CDC14B: variants seen among roughly 807,000 people sequenced by gnomAD.
CDC14B encodes the protein dual specificity protein phosphatase CDC14B.
Under a neutral mutation model 64.2 loss-of-function variants are expected in CDC14B, and 22 were observed. The observed-to-expected ratio is 0.34, with a 90% CI of 0.24 to 0.49. The LOEUF (loss-of-function observed/expected upper bound fraction) is 0.49, where lower values mean the gene tolerates loss of function less well. Ranked by LOEUF, CDC14B falls within the 20% of genes least tolerant of loss-of-function variation. The pLI is 0.99. For missense variants in CDC14B, 498 were observed against 629.9 expected, an observed-to-expected ratio of 0.79 and a Z score of 2.24; for synonymous variants, 191 against 215.8, an observed-to-expected ratio of 0.89 and a Z score of 1.01.
chr9:96,591,784 G>C (rs1845807213), intron 1 of CDC14B, among the ~76,000 whole-genome samples: 1 of 150,836 alleles, frequency 6.6e-6, no homozygotes, highest in African/African-American at 2.4e-5. Flanking sequence ...CTTGCTCTGT[G>C]GCCCAGGCTG....
At position 96,529,967 on chromosome 9, in the gene CDC14B, G is replaced by A. The variant is rs530071449; in HGVS notation, c.946+3960C>T. Among the ~76,000 whole-genome samples the A allele has an allele frequency of 7.2e-5, 11 of 151,954 alleles. No individual in the cohort carries two copies. In the South Asian group the frequency reaches 1.3e-3, roughly 17 times the overall value. ...TTGCATTGAATCTGTATATCCCTTC[G>A]GGCAATACTGACATGTTAACAATAT... On this transcript the variant is annotated intron_variant, in intron 9 of 13. Transcript: ENST00000375241.
intron 13 of CDC14B, 90 bp from the exon 14 acceptor site, chr9:96,503,879 A>T: frequency 1.0e-6 from 1 of 976,326 alleles, no homozygotes; most frequent in Admixed American, 2.0e-5. Context: ...CATAATAAAA[A>T]TACTGACATG....
At chr9:96,525,579 G>A (rs1278778055) in intron 9 of CDC14B, among the ~76,000 whole-genome samples, 5 of 152,222 alleles carry the variant, frequency 3.3e-5, no homozygotes, top group Non-Finnish European at 5.9e-5. Context: ...GGGCCTGGAG[G>A]GCAGAGCGTG....
At chr9:96,520,174 G>C (rs903854332) in intron 12 of CDC14B, among the ~76,000 whole-genome samples, 1 of 152,084 alleles carries the variant, frequency 6.6e-6, no homozygotes, top group African/African-American at 2.4e-5. Flanking sequence ...AAATCCCCTC[G>C]GGTCTATACA....
chr9:96,558,535 T>G (rs1028490316), intron 4 of CDC14B, among the ~76,000 whole-genome samples: 38 of 152,228 alleles, frequency 2.5e-4, no homozygotes, highest in African/African-American at 9.2e-4. Context: ...TCTAGAAATA[T>G]AAAAACTTCT....
chr9:96,563,837 A>G (rs1465678533), intron 3 of CDC14B, among the ~76,000 whole-genome samples: 1 of 152,254 alleles, frequency 6.6e-6, no homozygotes, highest in East Asian at 1.9e-4. Context: ...TGCATGAAAC[A>G]AAAGATCTGC....
chr9:96,494,133 T>G (rs1393434487), intron 13 of CDC14B, among the ~76,000 whole-genome samples: 2 of 152,246 alleles, frequency 1.3e-5, no homozygotes, highest in East Asian at 1.9e-4. Context: ...GCAAGGACGC[T>G]GTCTTTCTTG....
chr9:96,498,607 G>C (rs868526282), downstream of CDC14B, among the ~76,000 whole-genome samples: 3 of 152,192 alleles, frequency 2.0e-5, no homozygotes, highest in South Asian at 2.1e-4. Context: ...TATGCTGCAG[G>C]TACCAAAAAT....
chr9:96,605,633 G>T (rs1846849239), intron 1 of CDC14B, among the ~76,000 whole-genome samples: 1 of 152,160 alleles, frequency 6.6e-6, no homozygotes, highest in Non-Finnish European at 1.5e-5. Flanking sequence ...CCTTGACTCA[G>T]CATCTGTTCT....
downstream of CDC14B, among the ~76,000 whole-genome samples, chr9:96,496,970 G>A (rs1319770971): frequency 6.6e-6 from 1 of 152,218 alleles, no homozygotes; most frequent in Non-Finnish European, 1.5e-5. Context: ...GTGCCAGGAC[G>A]CCAGACACGC....
chr9:96,572,409 T>C (rs556205628), intron 1 of CDC14B, among the ~76,000 whole-genome samples: 24 of 152,198 alleles, frequency 1.6e-4, no homozygotes, highest in African/African-American at 5.3e-4. Flanking sequence ...AGGTAGATGG[T>C]GTCAGAATTG....
intron 3 of CDC14B, among the ~76,000 whole-genome samples, chr9:96,563,339 A>C (rs148916296): frequency 2.2e-4 from 34 of 152,318 alleles, no homozygotes; most frequent in African/African-American, 7.2e-4. Flanking sequence ...CATGATGTGT[A>C]CATATTTCTA....
At chr9:96,554,190 A>G (rs1370863109) in intron 4 of CDC14B, among the ~76,000 whole-genome samples, 2 of 152,122 alleles carry the variant, frequency 1.3e-5, no homozygotes, top group African/African-American at 4.8e-5. Flanking sequence ...AAAACAAAAC[A>G]AAACCCTAAA....
At chr9:96,511,730 A>T (rs1418572911) in intron 12 of CDC14B, among the ~76,000 whole-genome samples, 1 of 152,222 alleles carries the variant, frequency 6.6e-6, no homozygotes. Flanking sequence ...ATCCTGGATA[A>T]ATCAGCCAAT....
chr9:96,504,542 A>T (rs1833873527), intron 13 of CDC14B, among the ~76,000 whole-genome samples: 3 of 152,260 alleles, frequency 2.0e-5, no homozygotes, highest in Admixed American at 2.0e-4. Flanking sequence ...CACTGAGTCA[A>T]AGATCCAGAC....
intron 1 of CDC14B, among the ~76,000 whole-genome samples, chr9:96,598,599 T>C (rs1272501523): frequency 6.6e-6 from 1 of 152,208 alleles, no homozygotes; most frequent in Admixed American, 6.5e-5. Flanking sequence ...CCTCCCAAAG[T>C]GCTGGGATTA....
intron 1 of CDC14B, among the ~76,000 whole-genome samples, chr9:96,566,181 C>G (rs1395554007): frequency 1.3e-5 from 2 of 152,110 alleles, no homozygotes; most frequent in Non-Finnish European, 2.9e-5. Flanking sequence ...GAGGCTCCAC[C>G]CGCATTCCTT....
intron 4 of CDC14B, among the ~76,000 whole-genome samples, chr9:96,557,834 A>T (rs1842683248): frequency 6.6e-6 from 1 of 152,252 alleles, no homozygotes; most frequent in Non-Finnish European, 1.5e-5. Flanking sequence ...TAAACATTAG[A>T]GGAAAGCAAA....
At chr9:96,533,344 T>C (rs1838785531) in intron 9 of CDC14B, among the ~76,000 whole-genome samples, 3 of 152,242 alleles carry the variant, frequency 2.0e-5, no homozygotes, top group Admixed American at 2.0e-4. Flanking sequence ...CAATAAAAAC[T>C]GAAATGTGAT....
Sources: allele counts gnomAD v4.1 joint callset (sites outside exome capture counted in the v4.1 genomes callset), GRCh38; gene constraint gnomAD v4.1.1; transcripts MANE v1.5; gene names NCBI Gene and HGNC (gene_info 2026-07-23, HGNC 2026-07-21).